The following ATP2B1 variants were observed in gnomAD, a reference collection of about 807,000 sequenced individuals.
ATP2B1 encodes ATPase plasma membrane Ca2+ transporting 1.
In ATP2B1, 14 loss-of-function variants were observed where a neutral mutation model predicts 124.2. The observed-to-expected ratio is 0.11, with a 90% CI of 0.07 to 0.18. The LOEUF is 0.18. Ranked by LOEUF, ATP2B1 falls within the 10% of genes least tolerant of loss-of-function variation. ATP2B1 has a pLI of 1.00. For missense variants in ATP2B1, 763 were observed against 1,466.1 expected, an observed-to-expected ratio of 0.52 and a Z score of 7.83; for synonymous variants, 449 against 492.4, an observed-to-expected ratio of 0.91 and a Z score of 1.17.
chr12:89,697,802 C>T (rs1025431199), intron 1 of ATP2B1, among the ~76,000 whole-genome samples: 4 of 150,964 alleles, frequency 2.6e-5, no homozygotes, highest in African/African-American at 9.8e-5. Flanking sequence ...GGAAAAGTAC[C>T]CTCAAATCCT....
chr12:89,652,739 G>GT (rs1371450824), intron 2 of ATP2B1, among the ~76,000 whole-genome samples: 37 of 147,044 alleles, frequency 2.5e-4, no homozygotes, highest in African/African-American at 8.4e-4. Flanking sequence ...GGCTGCTGCT[G>GT]TGTTTTTTTT....
intron 1 of ATP2B1, among the ~76,000 whole-genome samples, chr12:89,690,794 G>C (rs1350813584): frequency 6.6e-6 from 1 of 151,912 alleles, no homozygotes; most frequent in African/African-American, 2.4e-5. Flanking sequence ...TTAAAATCAG[G>C]ATAATATCAA....
At chr12:89,631,322 C>T (rs897311947) in intron 5 of ATP2B1, among the ~76,000 whole-genome samples, 5 of 152,110 alleles carry the variant, frequency 3.3e-5, no homozygotes, top group African/African-American at 7.2e-5. Flanking sequence ...TCAATGAATG[C>T]TCATTAATTG....
At chr12:89,677,634 A>G (rs1271240367) in intron 1 of ATP2B1, among the ~76,000 whole-genome samples, 1 of 152,090 alleles carries the variant, frequency 6.6e-6, no homozygotes, top group Non-Finnish European at 1.5e-5. Context: ...CCATAAAAAT[A>G]CATAAACTGG....
chr12:89,596,019 G>A (rs908299781), intron 20 of ATP2B1, among the ~76,000 whole-genome samples: 3 of 151,936 alleles, frequency 2.0e-5, no homozygotes, highest in Non-Finnish European at 4.4e-5. Context: ...AGCCTGGGAT[G>A]GAAAAAAAGA....
rs74975121 is a variant in ATP2B1 at position 89,666,414 on chromosome 12, A to G, written c.-221-10307T>C. 2.5e-3 allele frequency among the ~76,000 whole-genome samples: 381 copies of G among 152,188 alleles called. 3 individuals carry two copies. The highest frequency in any genetic ancestry group is 8.5e-3 in the East Asian group (44 of 5,164). Reference sequence around the variant, plus strand: ...ACTTATCATCCCTTGGAATTGTTCTATTTTCAAAATTTGCTCTCCAGTGAA... The same window carrying G: ...ACTTATCATCCCTTGGAATTGTTCTGTTTTCAAAATTTGCTCTCCAGTGAA... On this transcript the variant is annotated intron_variant, in intron 1 of 20. Transcript: ENST00000428670.
chr12:89,668,344 C>T (rs965852168), intron 1 of ATP2B1, among the ~76,000 whole-genome samples: 1 of 152,108 alleles, frequency 6.6e-6, no homozygotes, highest in Non-Finnish European at 1.5e-5. Context: ...AAGATTAATG[C>T]TATTAAAATC....
intron 1 of ATP2B1, among the ~76,000 whole-genome samples, chr12:89,704,916 C>T (rs771362112): frequency 1.3e-5 from 2 of 152,078 alleles, no homozygotes; most frequent in Non-Finnish European, 2.9e-5. Flanking sequence ...TTGAGTATAC[C>T]GTATTCTGAA....
At chr12:89,684,837 A>G (rs1889771606) in intron 1 of ATP2B1, among the ~76,000 whole-genome samples, 1 of 152,098 alleles carries the variant, frequency 6.6e-6, no homozygotes, top group Non-Finnish European at 1.5e-5. Flanking sequence ...TCATTTTACT[A>G]ATATGAGCGA....
Position 89,613,427 on chromosome 12 carries a change from A to G in ATP2B1, c.2068-2055T>C, listed in dbSNP as rs373368454. On this transcript the variant is annotated intron_variant, in intron 12 of 20. Transcript: ENST00000428670. ...GTGATTCAAATCATTGGAGGGGGAC[A>G]TCACGTGCATTTACTCAAACTAATA... is the stretch of plus-strand genomic sequence containing the variant. Among the ~76,000 whole-genome samples the G allele has an allele frequency of 8.1e-4, 124 of 152,346 alleles. 3 individuals carry two copies. The South Asian group carries it at 0.016, about 20-fold the overall frequency.
chr12:89,700,991 A>G (rs1367774525), intron 1 of ATP2B1, among the ~76,000 whole-genome samples: 1 of 152,212 alleles, frequency 6.6e-6, no homozygotes, highest in African/African-American at 2.4e-5. Context: ...TAGTTACTTA[A>G]ATGTCTAAAA....
At chr12:89,709,252 C>T (rs1892929272), upstream of ATP2B1, 1 of 151,650 alleles carries the variant, frequency 6.6e-6, no homozygotes, top group Non-Finnish European at 1.5e-5. Context: ...TTCTCCACAC[C>T]CACACGCCTC....
intron 1 of ATP2B1, among the ~76,000 whole-genome samples, chr12:89,689,167 T>C (rs914292000): frequency 6.6e-6 from 1 of 152,050 alleles, no homozygotes; most frequent in East Asian, 1.9e-4. Flanking sequence ...GCTTCTCTTG[T>C]CAGGTCCTAA....
intron 3 of ATP2B1, 47 bp from the exon 4 acceptor site, chr12:89,635,298 T>C (rs1298264867): frequency 1.3e-6 from 2 of 1,581,042 alleles, no homozygotes; most frequent in Admixed American, 3.4e-5. Context: ...TCTGAATTGA[T>C]GACAACATAC....
At chr12:89,630,854 T>C (rs1343696106) in intron 5 of ATP2B1, 1 of 187,944 alleles carries the variant, frequency 5.3e-6, no homozygotes, top group African/African-American at 2.4e-5. Flanking sequence ...GAACATGGCT[T>C]ACTACAGCCT....
intron 1 of ATP2B1, among the ~76,000 whole-genome samples, chr12:89,689,624 T>A (rs1180229353): frequency 9.2e-5 from 14 of 152,108 alleles, no homozygotes; most frequent in Non-Finnish European, 2.1e-4. Context: ...GCTGCCTTAT[T>A]CCACATCTGG....
intron 3 of ATP2B1, among the ~76,000 whole-genome samples, chr12:89,637,556 G>A (rs141476439): frequency 4.6e-5 from 7 of 151,660 alleles, no homozygotes; most frequent in South Asian, 4.2e-4. Flanking sequence ...ATGCCACCAC[G>A]CCCAGCTCAT....
chr12:89,654,673 A>G (rs1885737485), intron 2 of ATP2B1, among the ~76,000 whole-genome samples: 1 of 152,322 alleles, frequency 6.6e-6, no homozygotes, highest in Admixed American at 6.5e-5. Flanking sequence ...AATATAATTT[A>G]AAGTTATTTA....
chr12:89,695,994 A>G (rs1466374506), intron 1 of ATP2B1, among the ~76,000 whole-genome samples: 3 of 152,226 alleles, frequency 2.0e-5, no homozygotes, highest in Non-Finnish European at 4.4e-5. Flanking sequence ...ATTCAAGCTC[A>G]AGACCAGACA....
Sources: gnomAD v4.1 joint callset for allele counts (sites outside exome capture counted in the v4.1 genomes callset) on GRCh38, gnomAD v4.1.1 for gene constraint, MANE v1.5 for transcripts, NCBI Gene and HGNC (gene_info 2026-07-23, HGNC 2026-07-21) for gene names.